The following EVA1A variants were observed in gnomAD, a reference collection of about 807,000 sequenced individuals.
The protein encoded by EVA1A is protein eva-1 homolog A.
EVA1A carries 7 observed loss-of-function variants against 9.8 expected under a neutral mutation model. The ratio of observed to expected loss-of-function variants is 0.71; its 90% CI spans 0.41 to 1.34. The LOEUF is 1.34. Among genes scored for constraint, EVA1A ranks in the 40% most tolerant of loss-of-function variants. EVA1A has a pLI of 0.01. For missense variants in EVA1A, 206 were observed against 205.9 expected, an observed-to-expected ratio of 1.00 and a Z score of 0.00; for synonymous variants, 90 against 85.6, an observed-to-expected ratio of 1.05 and a Z score of -0.28.
chr2:75,549,314 G>C (rs551514246), intron 1 of EVA1A, among the ~76,000 whole-genome samples: 1 of 152,096 alleles, frequency 6.6e-6, no homozygotes, highest in African/African-American at 2.4e-5. Context: ...TAACTTCACC[G>C]AACCACATTT....
chr2:75,544,077 C>G (rs1460427007), intron 1 of EVA1A, among the ~76,000 whole-genome samples: 2 of 152,182 alleles, frequency 1.3e-5, no homozygotes, highest in Non-Finnish European at 2.9e-5. Context: ...ATACTCATGC[C>G]CGCTTCAGAA....
chr2:75,556,803 C>T (rs1265188988), intron 1 of EVA1A, among the ~76,000 whole-genome samples: 1 of 152,162 alleles, frequency 6.6e-6, no homozygotes, highest in Non-Finnish European at 1.5e-5. Context: ...AAACTAGATC[C>T]TTCACCCATG....
chr2:75,533,909 T>A (rs1274522961), intron 1 of EVA1A, among the ~76,000 whole-genome samples: 5 of 152,008 alleles, frequency 3.3e-5, no homozygotes, highest in Admixed American at 3.3e-4. Context: ...CCTCCCAGGT[T>A]CACGCCATTC....
Position 75,493,529 on chromosome 2 carries a change from T to C in EVA1A, c.166A>G (p.Arg56Gly). ...LVLTLAALVIRISCHTDCRRR... is the reference protein window; with the variant it reads ...LVLTLAALVIGISCHTDCRRR... ...CTGCAGTCTGTGTGGCAAGAGATCC[T>C]TATCACCAGAGCAGCCAGGGTCAGC... The change falls in exon 4 of 4, where the codon AGG (arginine) becomes GGG (glycine). Residue 56 changes from arginine to glycine, a missense_variant. Arg to Gly is a moderately radical substitution (Grantham distance 125, BLOSUM62 -2). Coordinates refer to ENST00000393913, the MANE Select transcript of EVA1A (RefSeq NM_001135032.2). 1 of 1,614,196 alleles carries C rather than the reference T, an allele frequency of 6.2e-7. No individual in the cohort carries two copies. Among genetic ancestry groups the C allele is most frequent in the African/African-American group, 1.3e-5 (1 of 75,052 alleles).
intron 3 of EVA1A, chr2:75,517,762 A>T: frequency 1.4e-6 from 1 of 717,224 alleles, no homozygotes; most frequent in Non-Finnish European, 2.6e-6. Context: ...GTCAGAGTTA[A>T]TGCATAGTGA....
At chr2:75,552,901 C>T (rs1676573848) in intron 1 of EVA1A, among the ~76,000 whole-genome samples, 1 of 152,210 alleles carries the variant, frequency 6.6e-6, no homozygotes, top group Admixed American at 6.5e-5. Flanking sequence ...TTATTCTTCT[C>T]CAATATTTAC....
chr2:75,534,748 CT>C (rs1172859686), intron 1 of EVA1A, among the ~76,000 whole-genome samples: 1 of 152,012 alleles, frequency 6.6e-6, no homozygotes, highest in Non-Finnish European at 1.5e-5. Flanking sequence ...CTGCAGAAGC[CT>C]TTTAGTTTAA....
At chr2:75,533,461 C>G (rs530445880) in intron 1 of EVA1A, among the ~76,000 whole-genome samples, 1 of 152,018 alleles carries the variant, frequency 6.6e-6, no homozygotes, top group Admixed American at 6.5e-5. Context: ...GCAGACCTAC[C>G]CAAAAAGAAT....
chr2:75,517,955 T>C (rs2286994), intron 3 of EVA1A, 101 bp downstream of exon 3: 497,839 of 1,331,608 alleles, frequency 0.37, 95,692 homozygotes, highest in African/African-American at 0.59. Context: ...GATTACGTAG[T>C]GTGTCTTTAC....
intron 1 of EVA1A, among the ~76,000 whole-genome samples, chr2:75,550,932 G>A (rs1441957559): frequency 2.6e-5 from 4 of 152,170 alleles, no homozygotes; most frequent in Non-Finnish European, 5.9e-5. Flanking sequence ...GACCAGCCTG[G>A]CCAGCATGGT....
At chr2:75,554,351 G>A (rs1019854436) in intron 1 of EVA1A, among the ~76,000 whole-genome samples, 1 of 152,164 alleles carries the variant, frequency 6.6e-6, no homozygotes, top group African/African-American at 2.4e-5. Flanking sequence ...TGATCAAAGA[G>A]GGGGCAAGAG....
chr2:75,496,769 C>T (rs1161599819), intron 3 of EVA1A, among the ~76,000 whole-genome samples: 2 of 152,154 alleles, frequency 1.3e-5, no homozygotes, highest in Non-Finnish European at 2.9e-5. Context: ...AGAGGCATCA[C>T]ATTACCCAAC....
At chr2:75,542,557 C>T (rs1358005874) in intron 1 of EVA1A, 3 of 152,304 alleles carry the variant, frequency 2.0e-5, no homozygotes, top group Non-Finnish European at 4.4e-5. Context: ...ACTGCATTTC[C>T]GAGTCTTACC....
In EVA1A at chr2:75,529,313, C is replaced by T. The variant is rs550521979; in HGVS notation, c.-191-6826G>A. Among the ~76,000 whole-genome samples the T allele has an allele frequency of 2.6e-5, 4 of 152,250 alleles. No homozygotes were observed. The East Asian group carries it at 5.8e-4, about 22-fold the overall frequency. On this transcript the variant is annotated intron_variant, in intron 1 of 3. Transcript: ENST00000393913. ...ACAATAATAGTGGGGAACTTTAATA[C>T]CCCACTGACAGCACTAGACAGGTCA... is the stretch of plus-strand genomic sequence containing the variant.
At chr2:75,547,547 C>T (rs900138610) in intron 1 of EVA1A, among the ~76,000 whole-genome samples, 1 of 152,216 alleles carries the variant, frequency 6.6e-6, no homozygotes, top group Non-Finnish European at 1.5e-5. Context: ...TTCTGAGTCA[C>T]ACACCCAGAA....
chr2:75,557,572 C>T (rs565950990), intron 1 of EVA1A, among the ~76,000 whole-genome samples: 48 of 152,340 alleles, frequency 3.2e-4, no homozygotes, highest in African/African-American at 1.1e-3. Context: ...ATGCTAGGTG[C>T]ACACTGCAAA....
At chr2:75,514,622 A>T (rs1248010140) in intron 3 of EVA1A, among the ~76,000 whole-genome samples, 1 of 152,212 alleles carries the variant, frequency 6.6e-6, no homozygotes, top group East Asian at 1.9e-4. Context: ...ATATGAATAT[A>T]CATATATAAA....
At position 75,493,138 on chromosome 2, in the gene EVA1A, A is replaced by G; in HGVS notation, c.*98T>C. On this transcript the variant is annotated 3_prime_UTR_variant, in exon 4 of 4. Transcript: ENST00000393913. ...GTCCTGCTTTTTCTCTGAAATCACA[A>G]TATTAGCAGAGCTGGGTTCAGTTCC... 3 of 1,476,910 alleles carry G rather than the reference A, an allele frequency of 2.0e-6. No individual in the cohort carries two copies. Among genetic ancestry groups the G allele is most frequent in the South Asian group, 1.4e-5 (1 of 73,728 alleles). 91.5% of individuals were successfully genotyped at this position (1,476,910 alleles called of 1,614,324 possible).
In EVA1A at chr2:75,508,093, T is replaced by C. The variant is rs967124990; in HGVS notation, c.85+9963A>G. 2.0e-5 allele frequency among the ~76,000 whole-genome samples: 3 copies of C among 152,228 alleles called. No homozygotes were observed. The South Asian group carries it at 6.2e-4, about 32-fold the overall frequency. Reference sequence around the variant, plus strand: ...GATTTCCTATGCCTGTCTTTACTTTTATCTCAATCCTGTCAGCTGAGGAGG... The same window carrying C: ...GATTTCCTATGCCTGTCTTTACTTTCATCTCAATCCTGTCAGCTGAGGAGG... On this transcript the variant is annotated intron_variant, in intron 3 of 3. Transcript: ENST00000393913.
Sources: gnomAD v4.1 joint callset for allele counts (sites outside exome capture counted in the v4.1 genomes callset) on GRCh38, gnomAD v4.1.1 for gene constraint, MANE v1.5 for transcripts, NCBI Gene and HGNC (gene_info 2026-07-23, HGNC 2026-07-21) for gene names.